Variants in SORCS2 observed in about 807,000 individuals in gnomAD.
SORCS2 encodes the protein VPS10 domain-containing receptor SorCS2.
Under a neutral mutation model 141.6 loss-of-function variants are expected in SORCS2, and 100 were observed. The ratio of observed to expected loss-of-function variants is 0.71; its 90% CI spans 0.60 to 0.83. The LOEUF (loss-of-function observed/expected upper bound fraction) is 0.83. SORCS2 is among the 40% of genes least tolerant of loss of function. The probability of loss-of-function intolerance (pLI) is 0.00; values close to 1 mark genes in which losing one functional copy is unlikely to be tolerated. For synonymous variants in SORCS2, 789 were observed against 676.9 expected, an observed-to-expected ratio of 1.17 and a Z score of -2.57; for missense variants, 1,646 against 1,560.2, an observed-to-expected ratio of 1.05 and a Z score of -0.93.
intron 23 of SORCS2, among the ~76,000 whole-genome samples, chr4:7,732,609 C>T (rs571639015): frequency 1.5e-4 from 23 of 152,280 alleles, no homozygotes; most frequent in Admixed American, 7.8e-4. Context: ...GTCTGATTCT[C>T]CTGTCCTGCC....
intron 1 of SORCS2, among the ~76,000 whole-genome samples, chr4:7,393,741 A>G (rs1409175354): frequency 6.6e-6 from 1 of 152,128 alleles, no homozygotes; most frequent in Non-Finnish European, 1.5e-5. Context: ...GTTATTAGCT[A>G]TCATTATTCT....
Position 7,740,482 on chromosome 4 carries a change from C to T in SORCS2, c.*218C>T, listed in dbSNP as rs11737370. The T allele has an allele frequency of 4.9e-5, 28 of 573,900 alleles. No homozygotes were observed. Among genetic ancestry groups the T allele is most frequent in the Non-Finnish European group, 6.9e-5 (22 of 319,228 alleles). The allele number at this position is 573,900 out of a possible 1,614,324, so 35.6% of individuals were successfully genotyped here. On this transcript the variant is annotated 3_prime_UTR_variant, in exon 27 of 27. Coordinates refer to ENST00000507866, the MANE Select transcript of SORCS2 (RefSeq NM_020777.3). ...GGGACTCCCCGGACATGGCCCTGCC[C>T]CTATGGGACACCAGGCCTGACTCAG...
At chr4:7,395,381 C>T (rs1302356580) in intron 1 of SORCS2, among the ~76,000 whole-genome samples, 5 of 152,180 alleles carry the variant, frequency 3.3e-5, no homozygotes, top group Non-Finnish European at 7.4e-5. Context: ...TCTTACCTCC[C>T]GGGGGCTACC....
intron 2 of SORCS2, among the ~76,000 whole-genome samples, chr4:7,466,803 G>C (rs578134026): frequency 1.3e-5 from 2 of 152,302 alleles, no homozygotes; most frequent in African/African-American, 4.8e-5. Context: ...AATCGGCCCA[G>C]GGGTGCTGGG....
intron 3 of SORCS2, among the ~76,000 whole-genome samples, chr4:7,579,611 C>T (rs1716007800): frequency 6.6e-6 from 1 of 152,120 alleles, no homozygotes; most frequent in East Asian, 1.9e-4. Flanking sequence ...GCCTCAGGGC[C>T]AGTAAGACAT....
At chr4:7,686,042 T>C (rs1037512353) in intron 10 of SORCS2, among the ~76,000 whole-genome samples, 14 of 152,242 alleles carry the variant, frequency 9.2e-5, no homozygotes, top group African/African-American at 3.1e-4. Context: ...GAAGTTGTCA[T>C]TGGGATCCCA....
chr4:7,292,556 T>A (rs1036792918), intron 1 of SORCS2, among the ~76,000 whole-genome samples: 9 of 152,122 alleles, frequency 5.9e-5, no homozygotes, highest in African/African-American at 1.7e-4. Context: ...AAAAAGATTG[T>A]ATTTCTTTGG....
chr4:7,536,257 T>C (rs1355672077), intron 3 of SORCS2, among the ~76,000 whole-genome samples: 2 of 152,088 alleles, frequency 1.3e-5, no homozygotes, highest in Non-Finnish European at 2.9e-5. Flanking sequence ...TAGAGTGGGG[T>C]TGCGGTGGTG....
rs115762210 is a variant in SORCS2 at position 7,483,413 on chromosome 4, C to T, written c.549-48117C>T. Among the ~76,000 whole-genome samples, 501 of 151,482 alleles carry T rather than the reference C, an allele frequency of 3.3e-3. 3 individuals carry two copies. The highest frequency in any genetic ancestry group is 0.011 in the African/African-American group (468 of 41,186). ...CGTGAGGCAGCTGCCAGCCAAAGAA[C>T]GCAGGAGTTTGCCCACCATGCCAGA... On this transcript the variant is annotated intron_variant, in intron 2 of 26. Coordinates refer to ENST00000507866, the MANE Select transcript of SORCS2 (RefSeq NM_020777.3).
chr4:7,569,868 A>G (rs1715270044), intron 3 of SORCS2, among the ~76,000 whole-genome samples: 1 of 152,196 alleles, frequency 6.6e-6, no homozygotes, highest in Non-Finnish European at 1.5e-5. Flanking sequence ...TGTCCTTCGG[A>G]GCCACTGGGT....
intron 2 of SORCS2, among the ~76,000 whole-genome samples, chr4:7,506,642 T>C (rs1342610990): frequency 6.6e-6 from 1 of 152,184 alleles, no homozygotes; most frequent in South Asian, 2.1e-4. Context: ...CTTCTTTCCC[T>C]AAAGGGCAGG....
At chr4:7,293,067 GC>G (rs1716716166) in intron 1 of SORCS2, among the ~76,000 whole-genome samples, 1 of 152,090 alleles carries the variant, frequency 6.6e-6, no homozygotes, top group Non-Finnish European at 1.5e-5. Context: ...ACTTTGGGAG[GC>G]CCGAGGCGGG....
intron 2 of SORCS2, among the ~76,000 whole-genome samples, chr4:7,491,794 G>A (rs930201270): frequency 5.3e-5 from 8 of 152,192 alleles, no homozygotes; most frequent in Admixed American, 5.2e-4. Flanking sequence ...GTAAGTGGGA[G>A]GGTGAGGGCT....
chr4:7,419,589 A>C (rs192736857), intron 2 of SORCS2, among the ~76,000 whole-genome samples: 3 of 152,316 alleles, frequency 2.0e-5, no homozygotes, highest in Admixed American at 2.0e-4. Context: ...GAGTGCATGG[A>C]TTTCTTCCTG....
At chr4:7,551,374 G>A (rs760083740) in intron 3 of SORCS2, among the ~76,000 whole-genome samples, 1 of 152,146 alleles carries the variant, frequency 6.6e-6, no homozygotes, top group African/African-American at 2.4e-5. Flanking sequence ...TAGAAATAAG[G>A]ACCAGCTAGG....
At chr4:7,669,875 G>A (rs1484347879) in intron 8 of SORCS2, among the ~76,000 whole-genome samples, 2 of 152,234 alleles carry the variant, frequency 1.3e-5, no homozygotes, top group East Asian at 1.9e-4. Flanking sequence ...CTTGAATGAT[G>A]CGTGATATCT....
intron 2 of SORCS2, among the ~76,000 whole-genome samples, chr4:7,429,360 G>T (rs999148544): frequency 3.9e-5 from 6 of 152,190 alleles, no homozygotes; most frequent in African/African-American, 1.4e-4. Flanking sequence ...TCAGCATTTG[G>T]CTAATTTACC....
intron 3 of SORCS2, among the ~76,000 whole-genome samples, chr4:7,584,459 C>G (rs947541079): frequency 6.6e-6 from 1 of 152,164 alleles, no homozygotes; most frequent in Non-Finnish European, 1.5e-5. Context: ...TAGAAAGGAA[C>G]TTAGACACTC....
At chr4:7,242,576 G>T (rs1325627236) in intron 1 of SORCS2, among the ~76,000 whole-genome samples, 1 of 151,998 alleles carries the variant, frequency 6.6e-6, no homozygotes, top group Non-Finnish European at 1.5e-5. Flanking sequence ...TCTCCACCTT[G>T]GCTGGACACC....
Sources: gnomAD v4.1 joint callset for allele counts (sites outside exome capture counted in the v4.1 genomes callset) on GRCh38, gnomAD v4.1.1 for gene constraint, MANE v1.5 for transcripts, NCBI Gene and HGNC (gene_info 2026-07-23, HGNC 2026-07-21) for gene names.